The following C2orf42 variants were observed in gnomAD, a reference collection of about 807,000 sequenced individuals.
C2orf42 encodes uncharacterized protein C2orf42.
Under a neutral mutation model 58.9 loss-of-function variants are expected in C2orf42, and 44 were observed. The observed-to-expected ratio is 0.75, with a 90% confidence interval of 0.59 to 0.96. The LOEUF is 0.96. Ranked by LOEUF, C2orf42 falls within the 40% of genes least tolerant of loss-of-function variation. C2orf42 has a pLI of 0.00. For missense variants in C2orf42, 630 were observed against 699.2 expected, an observed-to-expected ratio of 0.90 and a Z score of 1.12; for synonymous variants, 239 against 265.4, an observed-to-expected ratio of 0.90 and a Z score of 0.97.
At chr2:70,171,727 G>A (rs1673835696) in intron 5 of C2orf42, among the ~76,000 whole-genome samples, 1 of 151,720 alleles carries the variant, frequency 6.6e-6, no homozygotes, top group Non-Finnish European at 1.5e-5. Flanking sequence ...GGTCAGGCTG[G>A]TCTTGAACTC....
At chr2:70,190,151 TA>T (rs1267377856) in intron 1 of C2orf42, 1 of 152,192 alleles carries the variant, frequency 6.6e-6, no homozygotes, top group Non-Finnish European at 1.5e-5. Context: ...TACAAACAAT[TA>T]ACACAACTTG....
At chr2:70,176,537 A>C (rs1186311683) in intron 4 of C2orf42, among the ~76,000 whole-genome samples, 2 of 152,078 alleles carry the variant, frequency 1.3e-5, no homozygotes, top group Non-Finnish European at 2.9e-5. Flanking sequence ...ACTGAAATTC[A>C]AGTTTAACTG....
chr2:70,182,432 A>T (rs1481702028), intron 2 of C2orf42: 1 of 154,838 alleles, frequency 6.5e-6, no homozygotes, highest in Non-Finnish European at 1.4e-5. Flanking sequence ...CCACAAAACA[A>T]CATAAATTTA....
chr2:70,179,509 A>G, intron 4 of C2orf42, 23 bp downstream of exon 4: 1 of 999,858 alleles, frequency 1.0e-6, no homozygotes, highest in Non-Finnish European at 1.6e-6. Flanking sequence ...CAATACCACC[A>G]AACCAACCAA....
chr2:70,168,357 A>G (rs941294101), intron 6 of C2orf42, among the ~76,000 whole-genome samples: 2 of 145,216 alleles, frequency 1.4e-5, no homozygotes, highest in Admixed American at 6.9e-5. Context: ...GTGCAATCTC[A>G]GATCACTGTA....
At chr2:70,163,431 G>C (rs1240841342) in intron 8 of C2orf42, among the ~76,000 whole-genome samples, 1 of 151,634 alleles carries the variant, frequency 6.6e-6, no homozygotes, top group Non-Finnish European at 1.5e-5. Flanking sequence ...ATTTTTAGTA[G>C]AGACGGGGTT....
intron 9 of C2orf42, among the ~76,000 whole-genome samples, chr2:70,157,088 T>C (rs1477560178): frequency 6.6e-6 from 1 of 152,130 alleles, no homozygotes; most frequent in Admixed American, 6.6e-5. Flanking sequence ...CAGGGAAACA[T>C]AATTTTAGAA....
rs1253277016 is a variant in C2orf42, at chr2:70,179,555, T to C, written c.911A>G (p.Lys304Arg). 3 of 1,523,414 alleles carry C rather than the reference T, an allele frequency of 2.0e-6. No homozygotes were observed. The highest frequency in any genetic ancestry group is 1.4e-5 in the African/African-American group (1 of 73,084). 94.4% of individuals were successfully genotyped at this position (1,523,414 alleles called of 1,614,324 possible). ...ACESTASKSK[K>R]RRKDEVSGAQ... ...ACCAGATACTTCATCCTTTCTCCTCTTCTTTGACTTAGAGGCAGTAGACTC... is the reference window on the plus strand; with the variant it reads ...ACCAGATACTTCATCCTTTCTCCTCCTCTTTGACTTAGAGGCAGTAGACTC... The change falls in exon 4 of 10, where the codon AAG becomes AGG. Residue 304 changes from lysine to arginine, a missense_variant. Lys to Arg is a conservative substitution (Grantham distance 26). Transcript: ENST00000264434.
intron 9 of C2orf42, among the ~76,000 whole-genome samples, chr2:70,158,807 G>C (rs1051218157): frequency 1.1e-4 from 17 of 152,006 alleles, no homozygotes; most frequent in Admixed American, 2.6e-4. Flanking sequence ...TGGCCAGGCT[G>C]GTTGGAACTC....
intron 5 of C2orf42, among the ~76,000 whole-genome samples, chr2:70,174,306 C>CAATA (rs925850252): frequency 3.3e-5 from 5 of 151,780 alleles, no homozygotes; most frequent in African/African-American, 4.8e-5. Context: ...ACTCCATCTC[C>CAATA]AATAAATAAA....
chr2:70,153,103 A>T (rs1672410077), intron 9 of C2orf42, among the ~76,000 whole-genome samples: 1 of 152,072 alleles, frequency 6.6e-6, no homozygotes. Flanking sequence ...TAGTAAAGCA[A>T]TTTGGGTGTG....
rs1044747343 is a variant in C2orf42, at chr2:70,159,828, G to A, written c.1516+797C>T. ...TGGGATTACAGGCATAAGCCACTGTGCCCAGCTTTCATTTACTATTATCAC... is the reference window on the plus strand; with the variant it reads ...TGGGATTACAGGCATAAGCCACTGTACCCAGCTTTCATTTACTATTATCAC... On this transcript the variant is annotated intron_variant, in intron 9 of 9. Coordinates refer to ENST00000264434, the MANE Select transcript of C2orf42 (RefSeq NM_017880.3). Among the ~76,000 whole-genome samples the A allele has an allele frequency of 2.0e-5, 3 of 152,054 alleles. 1 individual carries two copies. The highest frequency in any genetic ancestry group is 3.9e-4 in the East Asian group (2 of 5,190).
At position 70,168,674 on chromosome 2, in the gene C2orf42, C is replaced by G. The variant is rs190393489; in HGVS notation, c.1144+883G>C. 1.7e-4 allele frequency among the ~76,000 whole-genome samples: 25 copies of G among 151,172 alleles called. 1 individual carries two copies. The East Asian group carries it at 4.9e-3, about 30-fold the overall frequency. On this transcript the variant is annotated intron_variant, in intron 6 of 9. Coordinates refer to ENST00000264434, the MANE Select transcript of C2orf42 (RefSeq NM_017880.3). ...CCATGAGACTATAACAAATAACACC[C>G]AAATCCAGCCTGTGTTCTCCAATCT...
intron 3 of C2orf42, among the ~76,000 whole-genome samples, chr2:70,179,899 A>G (rs1674438853): frequency 6.6e-6 from 1 of 151,876 alleles, no homozygotes; most frequent in Admixed American, 6.6e-5. Flanking sequence ...TGATTATGTC[A>G]CTGCATGCCA....
At chr2:70,168,104 C>T (rs1021206516) in intron 6 of C2orf42, among the ~76,000 whole-genome samples, 3 of 151,292 alleles carry the variant, frequency 2.0e-5, no homozygotes, top group East Asian at 2.0e-4. Flanking sequence ...CATGGTGGTG[C>T]GTGCCTGTAA....
chr2:70,169,520 C>A, intron 6 of C2orf42, 37 bp downstream of exon 6: 1 of 1,083,176 alleles, frequency 9.2e-7, no homozygotes, highest in Non-Finnish European at 1.4e-6. Flanking sequence ...ATTTCTCCTA[C>A]TTTCAGCAAG....
At chr2:70,187,976 C>T (rs1340928520) in intron 1 of C2orf42, among the ~76,000 whole-genome samples, 1 of 152,122 alleles carries the variant, frequency 6.6e-6, no homozygotes, top group Non-Finnish European at 1.5e-5. Context: ...CAGGCATAAG[C>T]CACCATACCC....
rs748080155 is a variant in C2orf42, at chr2:70,165,103, C to T, written c.1342G>A (p.Asp448Asn). 11 of 1,583,630 alleles carry T rather than the reference C, an allele frequency of 6.9e-6. No homozygotes were observed. The highest frequency in any genetic ancestry group is 9.5e-6 in the Non-Finnish European group (11 of 1,155,268). Residue 448 changes from aspartate (D) to asparagine (N), a missense_variant, in exon 8 of 10, where the codon GAT (aspartate) becomes AAT (asparagine). Asp to Asn is a conservative substitution (Grantham distance 23). Transcript: ENST00000264434. ...TNILQVKQIL[D>N]TPEMPLEITR... ...AAATAAACTCTCACCTCTGGGGTAT[C>T]TAAGATTTGTTTAACTTGCAGGATA...
intron 1 of C2orf42, among the ~76,000 whole-genome samples, chr2:70,186,449 C>T (rs2103669757): frequency 6.6e-6 from 1 of 152,098 alleles, no homozygotes; most frequent in African/African-American, 2.4e-5. Flanking sequence ...ATTAAAAAGT[C>T]AGGAAACAAC....
Sources: allele counts gnomAD v4.1 joint callset (sites outside exome capture counted in the v4.1 genomes callset), GRCh38; gene constraint gnomAD v4.1.1; transcripts MANE v1.5; gene names NCBI Gene and HGNC (gene_info 2026-07-23, HGNC 2026-07-21).